The following BTBD9 variants were observed in gnomAD, a reference collection of about 807,000 sequenced individuals.
The protein encoded by BTBD9 is BTB domain containing 9, also known as BTB/POZ domain-containing protein 9.
Under a neutral mutation model 64.3 loss-of-function variants are expected in BTBD9, and 49 were observed. The observed-to-expected ratio is 0.76, with a 90% confidence interval of 0.61 to 0.97. The LOEUF (loss-of-function observed/expected upper bound fraction) is 0.97. BTBD9 is among the 50% of genes least tolerant of loss of function. BTBD9 has a pLI of 0.00. For missense variants in BTBD9, 598 were observed against 762.1 expected (o/e 0.78, Z 2.53); for synonymous variants, 260 against 274.7 (o/e 0.95, Z 0.53).
intron 6 of BTBD9, among the ~76,000 whole-genome samples, chr6:38,474,886 T>C (rs906854591): frequency 2.0e-5 from 3 of 152,208 alleles, no homozygotes; most frequent in Admixed American, 1.3e-4. Context: ...AAGTAAAGTA[T>C]ACTTTTAAAA....
At chr6:38,435,794 G>A (rs1042344621) in intron 6 of BTBD9, among the ~76,000 whole-genome samples, 11 of 150,888 alleles carry the variant, frequency 7.3e-5, no homozygotes, top group African/African-American at 9.8e-5. Context: ...TCAGCCTCCC[G>A]AGTAGCTGGG....
intron 9 of BTBD9, among the ~76,000 whole-genome samples, chr6:38,218,439 C>G (rs1763087006): frequency 6.6e-6 from 1 of 152,182 alleles, no homozygotes; most frequent in Admixed American, 6.5e-5. Flanking sequence ...CTACCACTTG[C>G]CTGGAACACT....
At chr6:38,329,110 G>A (rs1451771762) in intron 7 of BTBD9, among the ~76,000 whole-genome samples, 2 of 151,362 alleles carry the variant, frequency 1.3e-5, no homozygotes, top group Non-Finnish European at 2.9e-5. Context: ...TGAAATGTAT[G>A]AATATTCAGA....
intron 8 of BTBD9, among the ~76,000 whole-genome samples, chr6:38,265,643 A>G (rs1407841198): frequency 6.6e-6 from 1 of 151,862 alleles, no homozygotes; most frequent in African/African-American, 2.4e-5. Context: ...TCAGCCTCCC[A>G]AGTAGCTGAG....
rs577478589 is a variant in BTBD9, at chr6:38,248,698, G to A, written c.1562+7711C>T. On this transcript the variant is annotated intron_variant, in intron 9 of 10. Coordinates refer to ENST00000481247, the MANE Select transcript of BTBD9 (RefSeq NM_001099272.2). ...GGCCGTGGTGCTTTTGGGAATTCAGGTCCAAGATGGCTGACATTGTAGGCA... is the reference window on the plus strand; with the variant it reads ...GGCCGTGGTGCTTTTGGGAATTCAGATCCAAGATGGCTGACATTGTAGGCA... 2.6e-5 allele frequency among the ~76,000 whole-genome samples: 4 copies of A among 152,294 alleles called. No homozygotes were observed. In the South Asian group the frequency reaches 6.2e-4, roughly 24 times the overall value.
At chr6:38,458,664 C>A (rs903987168) in intron 6 of BTBD9, among the ~76,000 whole-genome samples, 1 of 152,212 alleles carries the variant, frequency 6.6e-6, no homozygotes, top group Non-Finnish European at 1.5e-5. Flanking sequence ...TCAAAATATA[C>A]TGTGAGTTTT....
intron 1 of BTBD9, among the ~76,000 whole-genome samples, chr6:38,605,149 T>C (rs1347763942): frequency 2.6e-5 from 4 of 151,820 alleles, no homozygotes; most frequent in African/African-American, 9.7e-5. Context: ...TGGGTTCAAG[T>C]GATTCTCCTG....
intron 6 of BTBD9, among the ~76,000 whole-genome samples, chr6:38,469,753 A>AT (rs556449624): frequency 6.3e-4 from 96 of 152,304 alleles, no homozygotes; most frequent in South Asian, 4.8e-3. Context: ...AATTGCACAA[A>AT]TATCACTTAA....
intron 6 of BTBD9, among the ~76,000 whole-genome samples, chr6:38,559,099 A>G (rs1025006217): frequency 6.6e-6 from 1 of 152,044 alleles, no homozygotes; most frequent in Non-Finnish European, 1.5e-5. Context: ...TCGAAACTTG[A>G]TATTGGTTTG....
intron 6 of BTBD9, among the ~76,000 whole-genome samples, chr6:38,437,665 G>A (rs1768800723): frequency 6.6e-6 from 1 of 152,182 alleles, no homozygotes; most frequent in African/African-American, 2.4e-5. Flanking sequence ...TGCTTGTAAG[G>A]ATTCCAGGCT....
At chr6:38,530,359 C>G (rs1297931218) in intron 6 of BTBD9, among the ~76,000 whole-genome samples, 3 of 152,166 alleles carry the variant, frequency 2.0e-5, no homozygotes, top group Non-Finnish European at 4.4e-5. Flanking sequence ...AGTAGTTCTG[C>G]TTTCTGCCCT....
intron 7 of BTBD9, among the ~76,000 whole-genome samples, chr6:38,306,468 T>A (rs1260874148): frequency 6.6e-6 from 1 of 152,226 alleles, no homozygotes; most frequent in Non-Finnish European, 1.5e-5. Flanking sequence ...CAGACAAATT[T>A]AATCTGCTGC....
intron 9 of BTBD9, among the ~76,000 whole-genome samples, chr6:38,239,827 T>C (rs1374303682): frequency 6.6e-6 from 1 of 152,168 alleles, no homozygotes; most frequent in Non-Finnish European, 1.5e-5. Flanking sequence ...CTTCCTGTTT[T>C]CAAGGGTCAG....
At position 38,594,131 on chromosome 6, in the gene BTBD9, A is replaced by T; in HGVS notation, c.382T>A (p.Ser128Thr). The T allele has an allele frequency of 6.2e-7, 1 of 1,614,214 alleles. No individual in the cohort carries two copies. Among genetic ancestry groups the T allele is most frequent in the Non-Finnish European group, 8.5e-7 (1 of 1,180,022 alleles). ...HKYGFPELED[S>T]TSEYLCTILN... is the part of the protein sequence containing the mutation. Reference sequence around the variant, plus strand: ...ATGGTGCAGAGATACTCAGAGGTAGAATCCTCTAGCTCTGGAAATCCATAT... The same window carrying T: ...ATGGTGCAGAGATACTCAGAGGTAGTATCCTCTAGCTCTGGAAATCCATAT... Residue 128 changes from serine to threonine, a missense_variant, in exon 3 of 11, where the codon TCT becomes ACT. Coordinates refer to ENST00000481247, the MANE Select transcript of BTBD9 (RefSeq NM_001099272.2).
chr6:38,414,963 C>G (rs577773746), intron 6 of BTBD9, among the ~76,000 whole-genome samples: 15 of 152,242 alleles, frequency 9.9e-5, no homozygotes, highest in Non-Finnish European at 1.9e-4. Context: ...TTTCAATTGC[C>G]TACTAGACAC....
At chr6:38,434,653 A>T (rs576434743) in intron 6 of BTBD9, among the ~76,000 whole-genome samples, 8 of 152,038 alleles carry the variant, frequency 5.3e-5, no homozygotes, top group African/African-American at 1.9e-4. Flanking sequence ...AATCTCTTCA[A>T]ATATTTTACA....
At chr6:38,179,645 C>T in intron 10 of BTBD9, 1 of 456,774 alleles carries the variant, frequency 2.2e-6, no homozygotes, top group Non-Finnish European at 4.4e-6. Context: ...GGCCTGTGTT[C>T]ACTCTTCTGC....
At position 38,592,780 on chromosome 6, in the gene BTBD9, G is replaced by A. The variant is rs1363348412; in HGVS notation, c.610C>T (p.Leu204=). 6.2e-7 allele frequency: 1 copy of A among 1,614,150 alleles called. No individual in the cohort carries two copies. Among genetic ancestry groups the A allele is most frequent in the Non-Finnish European group, 8.5e-7 (1 of 1,180,030 alleles). The stretch of plus-strand genomic sequence containing the variant: ...TGCTTACACCAGTTTAATAAGGCTA[G>A]GAAAATATCTTTTTCGGGAGCTGCA... ...SFAAPEKDIF[L]ALLNWCKHNS... is the part of the protein sequence containing the mutation. Residue 204 remains leucine, a synonymous_variant, in exon 4 of 11, where the codon CTA becomes TTA. Transcript: ENST00000481247.
At chr6:38,484,291 T>G (rs1366002939) in intron 6 of BTBD9, among the ~76,000 whole-genome samples, 2 of 152,224 alleles carry the variant, frequency 1.3e-5, no homozygotes, top group Non-Finnish European at 2.9e-5. Context: ...AGTTGTTTTT[T>G]AAATGTCTAA....
Sources: allele counts gnomAD v4.1 joint callset (sites outside exome capture counted in the v4.1 genomes callset), GRCh38; gene constraint gnomAD v4.1.1; transcripts MANE v1.5; gene names NCBI Gene and HGNC (gene_info 2026-07-23, HGNC 2026-07-21).